The following MAP3K13 variants were observed in gnomAD, a reference collection of about 807,000 sequenced individuals.
MAP3K13 encodes the protein mitogen-activated protein kinase kinase kinase 13.
A neutral mutation model predicts 104.0 loss-of-function variants in MAP3K13; 52 were observed. The observed-to-expected ratio is 0.50, with a 90% CI of 0.40 to 0.63. The LOEUF is 0.63. MAP3K13 is among the 20% of genes least tolerant of loss of function. The probability of loss-of-function intolerance (pLI) is 0.00; values close to 1 mark genes in which losing one functional copy is unlikely to be tolerated. For synonymous variants in MAP3K13, 394 were observed against 442.2 expected (o/e 0.89, Z 1.37); for missense variants, 914 against 1,218.5 (o/e 0.75, Z 3.72).
chr3:185,343,664 G>T (rs1348829770), intron 2 of MAP3K13, among the ~76,000 whole-genome samples: 6 of 152,156 alleles, frequency 3.9e-5, no homozygotes, highest in African/African-American at 1.4e-4. Flanking sequence ...TGTTGGCCAG[G>T]ATGGTCTCGA....
intron 3 of MAP3K13, among the ~76,000 whole-genome samples, chr3:185,441,055 G>A (rs1412048279): frequency 6.6e-6 from 1 of 152,206 alleles, no homozygotes; most frequent in African/African-American, 2.4e-5. Flanking sequence ...ATTGTACAGA[G>A]TGGAGTGGGC....
At position 185,424,981 on chromosome 3, in the gene MAP3K13, A is replaced by G. The variant is rs541458766; in HGVS notation, c.-85-3516A>G. On this transcript the variant is annotated intron_variant, in intron 1 of 13. Transcript: ENST00000265026. The stretch of plus-strand genomic sequence containing the variant: ...GTAGCTGACACTACAGGCGTATGCC[A>G]CCATGCTTAGCTAATTTTTGTATTT... Among the ~76,000 whole-genome samples the G allele has an allele frequency of 3.3e-5, 5 of 152,272 alleles. No individual in the cohort carries two copies. In the South Asian group the frequency reaches 8.3e-4, roughly 25 times the overall value.
chr3:185,430,291 G>A (rs1560102507), intron 2 of MAP3K13, among the ~76,000 whole-genome samples: 1 of 152,162 alleles, frequency 6.6e-6, no homozygotes, highest in Admixed American at 6.5e-5. Context: ...TGAAGCCCTG[G>A]TGTTCTTTAT....
intron 2 of MAP3K13, among the ~76,000 whole-genome samples, chr3:185,327,683 G>A (rs1019762928): frequency 6.6e-6 from 1 of 152,232 alleles, no homozygotes; most frequent in African/African-American, 2.4e-5. Context: ...AGGCCAAGGC[G>A]GGCAAATCAC....
At chr3:185,376,249 AAG>A (rs61606165) in intron 1 of MAP3K13, among the ~76,000 whole-genome samples, 11,799 of 152,224 alleles carry the variant, frequency 0.078, 584 homozygotes, top group Admixed American at 0.14. Context: ...AGACTCAACA[AAG>A]AGTGAGTACA....
chr3:185,466,974 T>G lies in MAP3K13; in HGVS notation c.1643+11T>G. ...GATGCAGACCAAACGGTGAGACACC[T>G]GTACAAACGCAGTATTCAGATAAAT... On this transcript the variant is annotated intron_variant, in intron 10 of 13. Transcript: ENST00000265026. The G allele has an allele frequency of 6.2e-7, 1 of 1,613,926 alleles. No individual in the cohort carries two copies. Among genetic ancestry groups the G allele is most frequent in the Non-Finnish European group, 8.5e-7 (1 of 1,179,848 alleles).
chr3:185,363,898 A>G (rs1209694608), intron 1 of MAP3K13, among the ~76,000 whole-genome samples: 1 of 152,216 alleles, frequency 6.6e-6, no homozygotes, highest in Non-Finnish European at 1.5e-5. Context: ...CCATTTTTCA[A>G]AAGCTCTTAT....
intron 3 of MAP3K13, among the ~76,000 whole-genome samples, chr3:185,439,780 C>T (rs1478918024): frequency 6.6e-6 from 1 of 152,218 alleles, no homozygotes; most frequent in Non-Finnish European, 1.5e-5. Context: ...TTCTGACTCT[C>T]CTACCTGCAT....
intron 1 of MAP3K13, among the ~76,000 whole-genome samples, 181 bp downstream of exon 1, chr3:185,363,549 T>C (rs1371106883): frequency 6.6e-6 from 1 of 152,162 alleles, no homozygotes; most frequent in Non-Finnish European, 1.5e-5. Flanking sequence ...CCTCTGAAAC[T>C]GACAGCTGGT....
intron 5 of MAP3K13, among the ~76,000 whole-genome samples, chr3:185,449,317 G>A (rs1341457484): frequency 2.1e-5 from 3 of 145,938 alleles, no homozygotes; most frequent in African/African-American, 5.1e-5. Flanking sequence ...AGGTTGCAGT[G>A]AGCCAAGATC....
At chr3:185,335,438 C>T (rs1267705522) in intron 2 of MAP3K13, among the ~76,000 whole-genome samples, 2 of 152,180 alleles carry the variant, frequency 1.3e-5, no homozygotes, top group African/African-American at 4.8e-5. Flanking sequence ...GTTGGCCAGC[C>T]AACTGTTGCA....
intron 2 of MAP3K13, among the ~76,000 whole-genome samples, chr3:185,289,805 A>G (rs929248511): frequency 3.9e-5 from 6 of 152,326 alleles, no homozygotes; most frequent in South Asian, 2.1e-4. Flanking sequence ...GGTATTTTCT[A>G]TTGAAGAAAG....
intron 7 of MAP3K13, among the ~76,000 whole-genome samples, chr3:185,463,334 T>C (rs1386662105): frequency 6.6e-6 from 1 of 152,220 alleles, no homozygotes. Flanking sequence ...CACAGCATCA[T>C]ATATTGGAGT....
chr3:185,419,447 G>T (rs182712642), intron 1 of MAP3K13, among the ~76,000 whole-genome samples: 3 of 152,236 alleles, frequency 2.0e-5, no homozygotes, highest in Admixed American at 2.0e-4. Context: ...AAGCAACAAG[G>T]ATTTGTATTG....
chr3:185,448,609 T>C (rs1288148402), intron 5 of MAP3K13, among the ~76,000 whole-genome samples: 1 of 152,038 alleles, frequency 6.6e-6, no homozygotes, highest in Non-Finnish European at 1.5e-5. Flanking sequence ...CCAGAGCAAA[T>C]AGGAAAAAGT....
At chr3:185,367,018 G>T (rs1415524020) in intron 1 of MAP3K13, among the ~76,000 whole-genome samples, 2 of 152,146 alleles carry the variant, frequency 1.3e-5, no homozygotes, top group Non-Finnish European at 2.9e-5. Context: ...AGGTCATAAA[G>T]ATTTACTTCT....
chr3:185,355,820 G>T (rs1577457641), intron 2 of MAP3K13, among the ~76,000 whole-genome samples: 1 of 152,126 alleles, frequency 6.6e-6, no homozygotes, highest in East Asian at 1.9e-4. Context: ...TAACCTAAGA[G>T]AAAATGCATG....
chr3:185,396,279 A>G (rs189978807), intron 1 of MAP3K13, among the ~76,000 whole-genome samples: 191 of 152,246 alleles, frequency 1.3e-3, no homozygotes, highest in Non-Finnish European at 2.3e-3. Flanking sequence ...GCTAAGCAGG[A>G]GAATTGCATG....
chr3:185,453,863 A>G lies in MAP3K13; in HGVS notation c.1278+2468A>G, dbSNP rs796955770. 1.1e-3 allele frequency among the ~76,000 whole-genome samples: 23 copies of G among 20,442 alleles called. 1 individual carries two copies. The highest frequency in any genetic ancestry group is 4.1e-3 in the East Asian group (2 of 486). The allele number at this position is 20,442 out of a possible 152,430, so 13.4% of individuals were successfully genotyped here. ...TGATACATATATATGAGATATATAT[A>G]TATGATACATATATATGAGATATAT... On this transcript the variant is annotated intron_variant, in intron 7 of 13. Coordinates refer to ENST00000265026, the MANE Select transcript of MAP3K13 (RefSeq NM_004721.5).
Sources: allele counts gnomAD v4.1 joint callset (sites outside exome capture counted in the v4.1 genomes callset), GRCh38; gene constraint gnomAD v4.1.1; transcripts MANE v1.5; gene names NCBI Gene and HGNC (gene_info 2026-07-23, HGNC 2026-07-21).